Variants in MRPL3 observed in about 807,000 individuals in gnomAD.
The protein encoded by MRPL3 is large ribosomal subunit protein uL3m.
A neutral mutation model predicts 44.3 loss-of-function variants in MRPL3; 43 were observed. That is an observed-to-expected ratio of 0.97 (90% CI 0.76 to 1.25). The LOEUF (loss-of-function observed/expected upper bound fraction) is 1.25, where lower values mean the gene tolerates loss of function less well. Among genes scored for constraint, MRPL3 ranks in the 50% most tolerant of loss-of-function variants. The probability of loss-of-function intolerance (pLI) is 0.00; values close to 1 mark genes in which losing one functional copy is unlikely to be tolerated. For synonymous variants in MRPL3, 171 were observed against 152.3 expected (o/e 1.12, Z -0.91); for missense variants, 406 against 427.6 (o/e 0.95, Z 0.45).
intron 8 of MRPL3, among the ~76,000 whole-genome samples, chr3:131,468,771 T>C (rs897912307): frequency 2.6e-5 from 4 of 152,046 alleles, no homozygotes; most frequent in African/African-American, 9.7e-5. Flanking sequence ...AGCAAATAGA[T>C]GGTCTCTGAT....
chr3:131,494,354 T>A (rs1934322551), intron 4 of MRPL3, among the ~76,000 whole-genome samples: 1 of 152,222 alleles, frequency 6.6e-6, no homozygotes, highest in Admixed American at 6.6e-5. Context: ...TACTCACTTC[T>A]GCAACAAGAG....
intron 1 of MRPL3, among the ~76,000 whole-genome samples, chr3:131,502,354 T>C (rs1268073464): frequency 3.9e-5 from 6 of 152,226 alleles, no homozygotes; most frequent in African/African-American, 1.4e-4. Context: ...TGAGTGACTT[T>C]GGGCAAATTA....
chr3:131,494,820 A>G (rs1934332027), intron 4 of MRPL3, among the ~76,000 whole-genome samples: 1 of 152,172 alleles, frequency 6.6e-6, no homozygotes, highest in East Asian at 1.9e-4. Context: ...TCAGACTTCT[A>G]AATAAGTAAA....
chr3:131,465,889 CTCTTT>C (rs1283937032), intron 9 of MRPL3, among the ~76,000 whole-genome samples: 1 of 125,878 alleles, frequency 7.9e-6, no homozygotes, highest in Non-Finnish European at 1.8e-5. Flanking sequence ...TTCTTTTTCT[CTCTTT>C]TTTTTTTTTT....
chr3:131,486,895 C>T (rs1452802393), intron 6 of MRPL3, among the ~76,000 whole-genome samples: 4 of 152,088 alleles, frequency 2.6e-5, no homozygotes, highest in East Asian at 1.9e-4. Context: ...GACAGTGTGG[C>T]GATTCCTCAA....
At chr3:131,466,186 C>T (rs1375091812) in intron 9 of MRPL3, among the ~76,000 whole-genome samples, 1 of 151,586 alleles carries the variant, frequency 6.6e-6, no homozygotes, top group Non-Finnish European at 1.5e-5. Flanking sequence ...AAAATTATTC[C>T]CTATGCTAGT....
chr3:131,501,502 T>C (rs1251751257), intron 2 of MRPL3, 29 bp downstream of exon 2: 2 of 1,567,772 alleles, frequency 1.3e-6, no homozygotes, highest in Admixed American at 3.4e-5. Context: ...AATTAGGAAA[T>C]GAGAGCTCAT....
In MRPL3 at chr3:131,500,609, C is replaced by T. The variant is rs185569498; in HGVS notation, c.278-88G>A. 6.5e-3 allele frequency: 6,739 copies of T among 1,030,134 alleles called. 38 individuals are homozygous for T. The highest frequency in any genetic ancestry group is 0.017 in the Middle Eastern group (84 of 4,898). The allele number at this position is 1,030,134 out of a possible 1,614,324, so 63.8% of individuals were successfully genotyped here. ...ATCGTTTTTCCTAAAATCAGGTTTC[C>T]GTATGAGGAGCAGGCACGTAAGAAA... On this transcript the variant is annotated intron_variant, in intron 2 of 9. Coordinates refer to ENST00000264995, the MANE Select transcript of MRPL3 (RefSeq NM_007208.4).
chr3:131,502,747 G>T lies in MRPL3; in HGVS notation c.75C>A (p.Ala25=). The T allele has an allele frequency of 1.2e-6, 2 of 1,611,774 alleles. No individual in the cohort carries two copies. The highest frequency in any genetic ancestry group is 1.7e-6 in the Non-Finnish European group (2 of 1,178,736). The change falls in exon 1 of 10, where the codon GCC becomes GCA. Residue 25 remains alanine, a synonymous_variant. Coordinates refer to ENST00000264995, the MANE Select transcript of MRPL3 (RefSeq NM_007208.4). ...CTTCCTACCTGTTCCCCGGGCCCAGGGCAGCACCCAGGCCGTCCCCGAGTC... is the reference window on the plus strand; with the variant it reads ...CTTCCTACCTGTTCCCCGGGCCCAGTGCAGCACCCAGGCCGTCCCCGAGTC... The part of the protein sequence containing the change: ...LGRLGDGLGA[A]LGPGNRTHIW...
chr3:131,475,495 AC>A (rs1342217160), intron 6 of MRPL3, among the ~76,000 whole-genome samples: 1 of 152,194 alleles, frequency 6.6e-6, no homozygotes, highest in Non-Finnish European at 1.5e-5. Context: ...AAACTTAAAA[AC>A]AAAAATGATA....
In MRPL3 at chr3:131,501,633, G is replaced by C; in HGVS notation, c.175C>G (p.Pro59Ala). 1 of 1,612,978 alleles carries C rather than the reference G, an allele frequency of 6.2e-7. No homozygotes were observed. Among genetic ancestry groups the C allele is most frequent in the African/African-American group, 1.3e-5 (1 of 74,952 alleles). Residue 59 changes from proline (P) to alanine (A), a missense_variant, in exon 2 of 10, where the codon CCA (proline) becomes GCA (alanine). Transcript: ENST00000264995. ...WDEHLSEENV[P>A]FIKQLVSDED... ...TCAGAGACCAACTGCTTAATGAATG[G>C]GACATTTTCTTCAGAAAGATGCTCA...
Position 131,501,650 on chromosome 3 carries a change from A to G in MRPL3, c.158T>C (p.Leu53Pro). ...GKSGTWWDEH[L>P]SEENVPFIKQ... The stretch of plus-strand genomic sequence containing the variant: ...AATGAATGGGACATTTTCTTCAGAA[A>G]GATGCTCATCCCACCATGTACCACT... Residue 53 changes from leucine to proline, a missense_variant, in exon 2 of 10, where the codon CTT becomes CCT. Physicochemically the swap from Leu to Pro is moderately conservative, Grantham distance 98. Coordinates refer to ENST00000264995, the MANE Select transcript of MRPL3 (RefSeq NM_007208.4). 1 of 1,613,742 alleles carries G rather than the reference A, an allele frequency of 6.2e-7. No individual in the cohort carries two copies. The highest frequency in any genetic ancestry group is 1.3e-5 in the African/African-American group (1 of 75,054).
At chr3:131,466,053 C>T (rs1401565033) in intron 9 of MRPL3, among the ~76,000 whole-genome samples, 2 of 151,986 alleles carry the variant, frequency 1.3e-5, no homozygotes, top group Non-Finnish European at 2.9e-5. Flanking sequence ...AGATGCAAGC[C>T]ACCAGGCCTG....
chr3:131,465,865 C>T, intron 9 of MRPL3, among the ~76,000 whole-genome samples: 1 of 150,400 alleles, frequency 6.6e-6, no homozygotes, highest in South Asian at 2.1e-4. Flanking sequence ...TACAAAAATT[C>T]ATCAAATACA....
intron 4 of MRPL3, among the ~76,000 whole-genome samples, chr3:131,494,065 A>G (rs566661081): frequency 6.6e-6 from 1 of 152,346 alleles, no homozygotes; most frequent in South Asian, 2.1e-4. Context: ...GCCTGTAAGC[A>G]CACAGTTTAA....
intron 5 of MRPL3, among the ~76,000 whole-genome samples, chr3:131,489,691 G>A (rs777766561): frequency 2.2e-4 from 33 of 151,854 alleles, no homozygotes; most frequent in Non-Finnish European, 4.7e-4. Context: ...TGTGAACAAC[G>A]ATCTTTGAAT....
chr3:131,468,311 T>TC, intron 8 of MRPL3, 143 bp from the exon 9 acceptor site: 1 of 507,740 alleles, frequency 2.0e-6, no homozygotes, highest in South Asian at 3.5e-5. Context: ...CTGAAAAACT[T>TC]CAAGTCCTAT....
At chr3:131,483,229 A>C (rs1023352534) in intron 6 of MRPL3, among the ~76,000 whole-genome samples, 1 of 152,168 alleles carries the variant, frequency 6.6e-6, no homozygotes, top group African/African-American at 2.4e-5. Context: ...GCAAGAACAT[A>C]AACCTTAAAA....
chr3:131,500,316 C>G lies in MRPL3; in HGVS notation c.369+114G>C, dbSNP rs748203434. 6.9e-5 allele frequency: 54 copies of G among 779,886 alleles called. 1 individual carries two copies. Among genetic ancestry groups the G allele is most frequent in the Admixed American group, 2.2e-5 (1 of 46,462 alleles). 48.3% of individuals were successfully genotyped at this position (779,886 alleles called of 1,614,324 possible). ...AATACTATTTATGTTCAACATCACC[C>G]CTTTCTTCACCATACAGTTCCATGT... On this transcript the variant is annotated intron_variant, in intron 3 of 9. Transcript: ENST00000264995.
Sources: allele counts gnomAD v4.1 joint callset (sites outside exome capture counted in the v4.1 genomes callset), GRCh38; gene constraint gnomAD v4.1.1; transcripts MANE v1.5; gene names NCBI Gene and HGNC (gene_info 2026-07-23, HGNC 2026-07-21).